MEMO1: variants seen among roughly 807,000 people sequenced by gnomAD.
MEMO1 encodes protein MEMO1.
Under a neutral mutation model 45.2 loss-of-function variants are expected in MEMO1, and 6 were observed. That is an observed-to-expected ratio of 0.13 (90% CI 0.07 to 0.26). MEMO1 has a LOEUF of 0.26. Among genes scored for constraint, MEMO1 ranks in the 10% least tolerant of loss-of-function variants. The pLI, the probability that MEMO1 is intolerant of heterozygous loss-of-function variation, is 1.00. For synonymous variants in MEMO1, 78 were observed against 124.3 expected (o/e 0.63, Z 2.48); for missense variants, 184 against 370.5 (o/e 0.50, Z 4.13).
intron 4 of MEMO1, among the ~76,000 whole-genome samples, chr2:31,929,971 T>C (rs1558511388): frequency 6.6e-6 from 1 of 152,188 alleles, no homozygotes; most frequent in Non-Finnish European, 1.5e-5. Context: ...AAAAAATAAT[T>C]TGATCGGGCT....
intron 2 of MEMO1, among the ~76,000 whole-genome samples, chr2:31,988,375 C>T (rs1432034954): frequency 1.3e-5 from 2 of 151,900 alleles, no homozygotes; most frequent in Non-Finnish European, 2.9e-5. Context: ...GGTAAAACCC[C>T]GTCTCTACTG....
intron 8 of MEMO1, among the ~76,000 whole-genome samples, chr2:31,879,583 ATTT>A (rs1409423308): frequency 6.6e-6 from 1 of 152,214 alleles, no homozygotes; most frequent in Non-Finnish European, 1.5e-5. Context: ...TAATTTTAAA[ATTT>A]ATTATAGCCA....
chr2:31,912,868 G>A (rs930969025), intron 6 of MEMO1, among the ~76,000 whole-genome samples: 5 of 152,080 alleles, frequency 3.3e-5, no homozygotes, highest in Non-Finnish European at 7.4e-5. Context: ...AACCATGCAC[G>A]TATATTTTTT....
chr2:31,943,264 C>G, intron 3 of MEMO1, 38 bp downstream of exon 3: 1 of 1,532,916 alleles, frequency 6.5e-7, no homozygotes, highest in Non-Finnish European at 9.0e-7. Flanking sequence ...GACTCCTTCT[C>G]AAAAAACAAA....
chr2:31,893,894 C>T (rs560168426), intron 6 of MEMO1, among the ~76,000 whole-genome samples: 28 of 152,238 alleles, frequency 1.8e-4, no homozygotes, highest in African/African-American at 6.5e-4. Flanking sequence ...CTGTAGAAAC[C>T]TAGGACTTGA....
intron 6 of MEMO1, among the ~76,000 whole-genome samples, chr2:31,903,422 G>C (rs1679166293): frequency 6.6e-6 from 1 of 151,146 alleles, no homozygotes. Context: ...AAAAACAGGG[G>C]GGTGGGGGGG....
chr2:31,950,562 C>T (rs1461904831), intron 2 of MEMO1, among the ~76,000 whole-genome samples: 1 of 150,884 alleles, frequency 6.6e-6, no homozygotes, highest in Non-Finnish European at 1.5e-5. Flanking sequence ...CTACTAAAAA[C>T]ACAAGAAAAA....
intron 2 of MEMO1, among the ~76,000 whole-genome samples, chr2:31,993,439 C>G (rs1319094529): frequency 6.6e-6 from 1 of 152,098 alleles, no homozygotes; most frequent in Non-Finnish European, 1.5e-5. Flanking sequence ...AGAATTCTGC[C>G]AGAAGACAAC....
intron 9 of MEMO1, 23 bp from the exon 10 acceptor site, chr2:31,868,515 T>G: frequency 6.3e-7 from 1 of 1,583,936 alleles, no homozygotes; most frequent in South Asian, 1.2e-5. Flanking sequence ...AAAATTTGGT[T>G]AGGACACACA....
chr2:31,996,977 T>A (rs953005790), intron 2 of MEMO1, among the ~76,000 whole-genome samples: 3 of 152,168 alleles, frequency 2.0e-5, no homozygotes, highest in African/African-American at 7.2e-5. Flanking sequence ...GATCTTGTAA[T>A]GCACCACAAG....
At chr2:31,997,859 G>A (rs948576896) in intron 2 of MEMO1, among the ~76,000 whole-genome samples, 9 of 152,184 alleles carry the variant, frequency 5.9e-5, no homozygotes, top group Admixed American at 3.3e-4. Context: ...TCTGTGTAAA[G>A]AACAGAATGG....
chr2:31,932,389 C>G (rs1664288764), intron 3 of MEMO1, among the ~76,000 whole-genome samples: 1 of 151,138 alleles, frequency 6.6e-6, no homozygotes, highest in African/African-American at 2.4e-5. Context: ...TAGAGGTGTT[C>G]AAGTTTACTT....
chr2:32,010,098 C>A (rs1674665034), intron 2 of MEMO1, 89 bp downstream of exon 2: 3 of 647,334 alleles, frequency 4.6e-6, no homozygotes, highest in African/African-American at 4.0e-5. Context: ...CGCCCGCCGC[C>A]GCCGCGGGGC....
In MEMO1 at chr2:31,961,188, T is replaced by C. The variant is rs1180101348; in HGVS notation, c.62-17805A>G. Among the ~76,000 whole-genome samples the C allele has an allele frequency of 3.3e-5, 5 of 151,804 alleles. No homozygotes were observed. The East Asian group carries it at 9.9e-4, about 30-fold the overall frequency. On this transcript the variant is annotated intron_variant, in intron 2 of 9. Transcript: ENST00000404530. ...GCCTGGCCAACATGGGGAATCCCCC[T>C]CTCTACTGAAAATACAAAAATTAGC... is the stretch of plus-strand genomic sequence containing the variant.
intron 6 of MEMO1, among the ~76,000 whole-genome samples, chr2:31,914,316 C>T (rs72796819): frequency 1.3e-5 from 2 of 152,068 alleles, no homozygotes; most frequent in African/African-American, 2.4e-5. Context: ...AATTCACAGA[C>T]GTGGAGAGTA....
At chr2:31,954,226 G>A (rs573316078) in intron 2 of MEMO1, among the ~76,000 whole-genome samples, 2 of 152,244 alleles carry the variant, frequency 1.3e-5, no homozygotes, top group South Asian at 2.1e-4. Context: ...TCCTGAAAAT[G>A]TTTACACGCT....
At chr2:31,941,123 C>T (rs115357814) in intron 3 of MEMO1, among the ~76,000 whole-genome samples, 1 of 152,134 alleles carries the variant, frequency 6.6e-6, no homozygotes, top group South Asian at 2.1e-4. Flanking sequence ...AGAATAAAAA[C>T]CAAAGTCCTT....
At chr2:32,002,626 G>A (rs1050777041) in intron 2 of MEMO1, among the ~76,000 whole-genome samples, 3 of 151,994 alleles carry the variant, frequency 2.0e-5, no homozygotes, top group African/African-American at 7.2e-5. Context: ...ACTCAACTTA[G>A]GTCATTGTTT....
chr2:31,974,581 C>G (rs940004526), intron 2 of MEMO1, among the ~76,000 whole-genome samples: 6 of 151,980 alleles, frequency 3.9e-5, no homozygotes, highest in African/African-American at 9.7e-5. Flanking sequence ...CCTGTCTCTA[C>G]TAAAAACACA....
Sources: gnomAD v4.1 joint callset for allele counts (sites outside exome capture counted in the v4.1 genomes callset) on GRCh38, gnomAD v4.1.1 for gene constraint, MANE v1.5 for transcripts, NCBI Gene and HGNC (gene_info 2026-07-23, HGNC 2026-07-21) for gene names.